Variants in UBE4A observed in about 807,000 individuals in gnomAD.
UBE4A encodes the protein ubiquitin conjugation factor E4 A.
A neutral mutation model predicts 117.9 loss-of-function variants in UBE4A; 48 were observed. That is an observed-to-expected ratio of 0.41 (90% CI 0.32 to 0.52). The LOEUF is 0.52. Ranked by LOEUF, UBE4A falls within the 20% of genes least tolerant of loss-of-function variation. The pLI is 0.33. For missense variants in UBE4A, 1,067 were observed against 1,296.3 expected (o/e 0.82, Z 2.72); for synonymous variants, 407 against 450.0 (o/e 0.90, Z 1.21).
intron 10 of UBE4A, chr11:118,378,845 A>ATG (rs1769268233): frequency 6.6e-6 from 1 of 152,418 alleles, no homozygotes; most frequent in South Asian, 2.1e-4. Context: ...ACTTTGAATT[A>ATG]TGTGTCTTCC....
chr11:118,364,224 T>C (rs1225959259), intron 1 of UBE4A, among the ~76,000 whole-genome samples: 2 of 152,040 alleles, frequency 1.3e-5, no homozygotes, highest in Non-Finnish European at 2.9e-5. Flanking sequence ...AATGAGGAAA[T>C]GTAATCAGAA....
chr11:118,367,636 G>C (rs981089662), intron 2 of UBE4A, among the ~76,000 whole-genome samples: 1 of 151,600 alleles, frequency 6.6e-6, no homozygotes, highest in Admixed American at 6.6e-5. Context: ...CGAGTAGCTG[G>C]GACTACAGGT....
chr11:118,386,730 C>A (rs1948762777), intron 16 of UBE4A, 118 bp downstream of exon 16: 1 of 1,144,960 alleles, frequency 8.7e-7, no homozygotes, highest in Non-Finnish European at 1.2e-6. Context: ...TCCTCCACAT[C>A]TGGAAGGGAA....
chr11:118,373,055 C>G (rs750577996), intron 6 of UBE4A, 31 bp from the exon 7 acceptor site: 14 of 1,603,800 alleles, frequency 8.7e-6, no homozygotes, highest in Admixed American at 5.0e-5. Flanking sequence ...ATTCTTGTGC[C>G]CTCCTTTCTC....
intron 13 of UBE4A, among the ~76,000 whole-genome samples, chr11:118,383,826 T>A (rs1401518848): frequency 6.6e-6 from 1 of 152,218 alleles, no homozygotes; most frequent in Non-Finnish European, 1.5e-5. Flanking sequence ...TGGTTTTTTT[T>A]AATTCGCTCA....
At chr11:118,375,656 G>A (rs1460188962) in intron 9 of UBE4A, among the ~76,000 whole-genome samples, 1 of 151,802 alleles carries the variant, frequency 6.6e-6, no homozygotes, top group Non-Finnish European at 1.5e-5. Flanking sequence ...ACCACGCCCA[G>A]CCAGAATTTT....
intron 16 of UBE4A, among the ~76,000 whole-genome samples, chr11:118,388,296 A>AT (rs1322228152): frequency 3.3e-5 from 5 of 152,026 alleles, no homozygotes; most frequent in African/African-American, 1.2e-4. Flanking sequence ...GCATGTATAA[A>AT]TTTTTTTTAA....
chr11:118,390,638 T>C lies in UBE4A; in HGVS notation c.2769-19T>C. 6.7e-7 allele frequency: 1 copy of C among 1,489,170 alleles called. No homozygotes were observed. Among genetic ancestry groups the C allele is most frequent in the South Asian group, 1.4e-5 (1 of 71,664 alleles). 92.2% of individuals were successfully genotyped at this position (1,489,170 alleles called of 1,614,324 possible). A position where few individuals can be genotyped will look rare whatever the true frequency, so the allele number is the denominator to read the frequency against. On this transcript the variant is annotated intron_variant, in intron 17 of 19. Coordinates refer to ENST00000252108, the MANE Select transcript of UBE4A (RefSeq NM_001204077.2). ...CCAACCCTCTGGTGATCAGTTTTTT[T>C]CTGATGCTAATGTTCCAGGGATGAG...
intron 12 of UBE4A, 90 bp from the exon 13 acceptor site, chr11:118,382,499 G>T: frequency 8.6e-7 from 1 of 1,156,290 alleles, no homozygotes. Flanking sequence ...ATATGGTTTA[G>T]GGTGGATTTT....
At chr11:118,377,506 C>T (rs781831329) in intron 10 of UBE4A, among the ~76,000 whole-genome samples, 1 of 151,998 alleles carries the variant, frequency 6.6e-6, no homozygotes, top group Non-Finnish European at 1.5e-5. Flanking sequence ...CTGTGCCTGG[C>T]CTGTTTTTTA....
At chr11:118,383,111 A>C (rs1948721136) in intron 13 of UBE4A, among the ~76,000 whole-genome samples, 1 of 152,186 alleles carries the variant, frequency 6.6e-6, no homozygotes, top group East Asian at 1.9e-4. Flanking sequence ...CACCTAAAGA[A>C]ATCTACATAT....
At chr11:118,378,789 CATT>C (rs1192102995) in intron 10 of UBE4A, 11 of 152,376 alleles carry the variant, frequency 7.2e-5, no homozygotes, top group Admixed American at 5.9e-4. Flanking sequence ...TAGCTCAAGA[CATT>C]ATCTACAGGG....
At position 118,397,304 on chromosome 11, in the gene UBE4A, C is replaced by CTTT. The variant is rs1266693243; in HGVS notation, c.*868_*870dup. The CTTT allele has an allele frequency of 1.3e-5, 2 of 152,068 alleles. No individual in the cohort carries two copies. The highest frequency in any genetic ancestry group is 2.9e-5 in the Non-Finnish European group (2 of 68,012). The allele number at this position is 152,068 out of a possible 1,614,324, so 9.4% of individuals were successfully genotyped here. A position where few individuals can be genotyped will look rare whatever the true frequency, so the allele number is the denominator to read the frequency against. Reference sequence around the variant, plus strand: ...TATAAATACACATACACCCCATGTGCTTTTTTGTTGGTTTAGTGTAAACTG... The same window carrying CTTT: ...TATAAATACACATACACCCCATGTGCTTTTTTTTTGTTGGTTTAGTGTAAACTG... On this transcript the variant is annotated 3_prime_UTR_variant, in exon 20 of 20. Coordinates refer to ENST00000252108, the MANE Select transcript of UBE4A (RefSeq NM_001204077.2).
At chr11:118,374,125 A>G (rs2134093266) in intron 8 of UBE4A, among the ~76,000 whole-genome samples, 1 of 152,090 alleles carries the variant, frequency 6.6e-6, no homozygotes, top group African/African-American at 2.4e-5. Flanking sequence ...AAAAAAAAAA[A>G]TCCCCTCTTT....
At position 118,368,697 on chromosome 11, in the gene UBE4A, A is replaced by G; in HGVS notation, c.188A>G (p.Tyr63Cys). 15 of 1,614,204 alleles carry G rather than the reference A, an allele frequency of 9.3e-6. No individual in the cohort carries two copies. Among genetic ancestry groups the G allele is most frequent in the Non-Finnish European group, 1.3e-5 (15 of 1,180,044 alleles). The change falls in exon 3 of 20, where the codon TAC becomes TGC. Residue 63 changes from tyrosine to cysteine, a missense_variant. This residue lies in a region of UBE4A where 1,001 missense variants were observed against 1,184.0 expected (regional missense o/e 0.85). Transcript: ENST00000252108. ...TCAGAGAGCCTGGATGAATTCGATT[A>G]CTCTGTGGCTGAGATTAGCCGCTCA... The part of the protein sequence containing the change: ...SVSESLDEFD[Y>C]SVAEISRSFR...
At chr11:118,394,616 C>G (rs1451915782) in intron 19 of UBE4A, among the ~76,000 whole-genome samples, 1 of 151,870 alleles carries the variant, frequency 6.6e-6, no homozygotes, top group Non-Finnish European at 1.5e-5. Context: ...ACTAAAAATA[C>G]AAAAATTAGC....
At chr11:118,386,661 C>G in intron 16 of UBE4A, 49 bp downstream of exon 16, 1 of 1,475,652 alleles carries the variant, frequency 6.8e-7, no homozygotes, top group South Asian at 1.5e-5. Flanking sequence ...TGGCCAAGAT[C>G]AGCTTCACTT....
At position 118,392,719 on chromosome 11, in the gene UBE4A, C is replaced by T. The variant is rs782664451; in HGVS notation, c.2917-19C>T. On this transcript the variant is annotated intron_variant, in intron 18 of 19. Transcript: ENST00000252108. ...CTACACTGTGAATTCACTTTAACTA[C>T]CAGATGTTGTATACTCAGTCTCTTG... The T allele has an allele frequency of 3.1e-6, 5 of 1,609,910 alleles. No homozygotes were observed. The South Asian group carries it at 5.5e-5, about 18-fold the overall frequency.
rs1555127274 is a variant in UBE4A, at chr11:118,386,548, G to A, written c.2523G>A (p.Gln841=). ...EKEAGLQMFG[Q]LARFHNIMSN... ...AGGCTGGCCTACAGATGTTTGGACAGCTGGCACGTTTCCATAACATCATGT... is the reference window on the plus strand; with the variant it reads ...AGGCTGGCCTACAGATGTTTGGACAACTGGCACGTTTCCATAACATCATGT... The change falls in exon 16 of 20, where the codon CAG becomes CAA. Residue 841 remains glutamine (Q), a synonymous_variant. Coordinates refer to ENST00000252108, the MANE Select transcript of UBE4A (RefSeq NM_001204077.2). 6.2e-7 allele frequency: 1 copy of A among 1,604,748 alleles called. No homozygotes were observed.
Sources: allele counts gnomAD v4.1 joint callset (sites outside exome capture counted in the v4.1 genomes callset), GRCh38; gene constraint gnomAD v4.1.1; regional missense constraint gnomAD v4.1.1; transcripts MANE v1.5; gene names NCBI Gene and HGNC (gene_info 2026-07-23, HGNC 2026-07-21).